Variants in IMPG1 observed in about 807,000 individuals in gnomAD.
IMPG1 encodes interphotoreceptor matrix proteoglycan 1, also known as interphotoreceptor matrix proteoglycan of 150 kDa.
IMPG1 carries 85 observed loss-of-function variants against 92.0 expected under a neutral mutation model. The observed-to-expected ratio is 0.92, with a 90% confidence interval of 0.78 to 1.11. The LOEUF is 1.11. Ranked by LOEUF, IMPG1 falls within the 50% of genes least tolerant of loss-of-function variation. IMPG1 has a pLI of 0.00. For missense variants in IMPG1, 1,022 were observed against 956.0 expected (o/e 1.07, Z -0.91); for synonymous variants, 367 against 334.1 (o/e 1.10, Z -1.08).
chr6:75,992,868 G>A (rs1394763102), intron 12 of IMPG1, among the ~76,000 whole-genome samples: 6 of 152,146 alleles, frequency 3.9e-5, no homozygotes, highest in Non-Finnish European at 7.3e-5. Flanking sequence ...CCCAAGCAAA[G>A]CTCCATGAGT....
intron 15 of IMPG1, chr6:75,928,555 A>T (rs1781603092): frequency 6.6e-6 from 1 of 152,188 alleles, no homozygotes; most frequent in African/African-American, 2.4e-5. Flanking sequence ...GATTGTTTAC[A>T]GTCAATTGCA....
At position 75,974,380 on chromosome 6, in the gene IMPG1, T is replaced by C. The variant is rs1407442097; in HGVS notation, c.1292-23286A>G. 2.0e-3 allele frequency among the ~76,000 whole-genome samples: 156 copies of C among 76,336 alleles called. 1 individual carries two copies. The highest frequency in any genetic ancestry group is 6.1e-3 in the African/African-American group (135 of 22,040). 50.1% of individuals were successfully genotyped at this position (76,336 alleles called of 152,430 possible). A position where few individuals can be genotyped will look rare whatever the true frequency, so the allele number is the denominator to read the frequency against. On this transcript the variant is annotated intron_variant, in intron 12 of 16. Transcript: ENST00000369950. ...CTTTCTTTCTTTCTTTCTTTCTTTC[T>C]TTCTTTCTTTCTTTTCTTTCTTTCC... is the stretch of plus-strand genomic sequence containing the variant.
intron 1 of IMPG1, among the ~76,000 whole-genome samples, chr6:76,065,859 C>G (rs1784300420): frequency 6.6e-6 from 1 of 152,034 alleles, no homozygotes; most frequent in African/African-American, 2.4e-5. Context: ...AGTGAAATCT[C>G]ATAGTATTAG....
chr6:76,018,931 T>C (rs1405994432), intron 6 of IMPG1, 73 bp from the exon 7 acceptor site: 3 of 1,345,766 alleles, frequency 2.2e-6, no homozygotes, highest in East Asian at 2.4e-5. Flanking sequence ...AGATAATATA[T>C]GTTGATACTG....
rs565918990 is a variant in IMPG1, at chr6:75,964,263, G to A, written c.1292-13169C>T. On this transcript the variant is annotated intron_variant, in intron 12 of 16. Coordinates refer to ENST00000369950, the MANE Select transcript of IMPG1 (RefSeq NM_001563.4). Reference sequence around the variant, plus strand: ...TTCTGGTTATGGGGGTTCTTTTGGAGATGATGAAAGATTTCTGGAATTAGA... The same window carrying A: ...TTCTGGTTATGGGGGTTCTTTTGGAAATGATGAAAGATTTCTGGAATTAGA... Among the ~76,000 whole-genome samples the A allele has an allele frequency of 3.3e-5, 5 of 152,278 alleles. No individual in the cohort carries two copies. In the East Asian group the frequency reaches 7.7e-4, roughly 24 times the overall value.
chr6:76,022,224 GA>G lies in IMPG1; in HGVS notation c.563-6del. 1 of 1,544,850 alleles carries G rather than the reference GA, an allele frequency of 6.5e-7. No individual in the cohort carries two copies. Among genetic ancestry groups the G allele is most frequent in the South Asian group, 1.1e-5 (1 of 89,372 alleles). On this transcript the variant is annotated splice_region_variant and splice_polypyrimidine_tract_variant and intron_variant, in intron 5 of 16. Coordinates refer to ENST00000369950, the MANE Select transcript of IMPG1 (RefSeq NM_001563.4). ...CAAGTGAGACGTTGGCAACATCTGT[GA>G]AAATTTTAAAAATTAAAGACACAAA...
intron 12 of IMPG1, among the ~76,000 whole-genome samples, chr6:75,971,575 C>T (rs1039463037): frequency 6.6e-6 from 1 of 152,200 alleles, no homozygotes; most frequent in African/African-American, 2.4e-5. Flanking sequence ...TTAATTTACA[C>T]ATCCATTGCA....
rs74634502 is a variant in IMPG1, at chr6:75,977,588, A to C, written c.1291+25330T>G. On this transcript the variant is annotated intron_variant, in intron 12 of 16. Coordinates refer to ENST00000369950, the MANE Select transcript of IMPG1 (RefSeq NM_001563.4). ...GGCAACAAGAGTGAAACTCTGCCTC[A>C]AAAAAAAAAAAAACAAAAAAAAACC... Among the ~76,000 whole-genome samples, 5 of 42,802 alleles carry C rather than the reference A, an allele frequency of 1.2e-4. No individual in the cohort carries two copies. In the South Asian group the frequency reaches 4.5e-3, roughly 38 times the overall value. 28.1% of individuals were successfully genotyped at this position (42,802 alleles called of 152,430 possible). A position where few individuals can be genotyped will look rare whatever the true frequency, so the allele number is the denominator to read the frequency against.
At chr6:75,943,322 G>A (rs143568897) in intron 14 of IMPG1, among the ~76,000 whole-genome samples, 28 of 152,208 alleles carry the variant, frequency 1.8e-4, no homozygotes, top group Non-Finnish European at 2.5e-4. Flanking sequence ...TGTTTGTGTC[G>A]TAGGGGCAGA....
At chr6:75,967,763 T>C (rs1782331568) in intron 12 of IMPG1, among the ~76,000 whole-genome samples, 1 of 152,216 alleles carries the variant, frequency 6.6e-6, no homozygotes, top group African/African-American at 2.4e-5. Context: ...TAGTGTCATG[T>C]TTATTGCAGC....
At chr6:76,033,982 T>C (rs1252577284) in intron 4 of IMPG1, among the ~76,000 whole-genome samples, 2 of 152,214 alleles carry the variant, frequency 1.3e-5, no homozygotes, top group East Asian at 3.8e-4. Flanking sequence ...ATGTAACTAA[T>C]AGTTTACCAT....
intron 6 of IMPG1, among the ~76,000 whole-genome samples, chr6:76,021,515 A>G (rs1783423978): frequency 6.6e-6 from 1 of 152,024 alleles, no homozygotes; most frequent in African/African-American, 2.4e-5. Flanking sequence ...TTCCACAATT[A>G]AATTCTGTAA....
At chr6:76,030,980 A>G (rs776809431) in intron 4 of IMPG1, among the ~76,000 whole-genome samples, 12 of 152,086 alleles carry the variant, frequency 7.9e-5, no homozygotes, top group Non-Finnish European at 1.6e-4. Flanking sequence ...CTGGGATTCA[A>G]GCTGTGGGTG....
At chr6:76,046,574 A>G (rs986509759) in intron 1 of IMPG1, among the ~76,000 whole-genome samples, 3 of 152,220 alleles carry the variant, frequency 2.0e-5, no homozygotes, top group Non-Finnish European at 2.9e-5. Flanking sequence ...TCACTCAACT[A>G]TTCAAAATGT....
intron 12 of IMPG1, among the ~76,000 whole-genome samples, chr6:76,001,803 C>T (rs772241777): frequency 6.6e-6 from 1 of 152,162 alleles, no homozygotes. Context: ...TGTTTTAGGC[C>T]ACTAACTTTA....
In IMPG1 at chr6:75,933,900, ACAT is replaced by A. The variant is rs376447353; in HGVS notation, c.2045-2752_2045-2750del. On this transcript the variant is annotated intron_variant, in intron 14 of 16. Coordinates refer to ENST00000369950, the MANE Select transcript of IMPG1 (RefSeq NM_001563.4). ...TCTCAAATCCATATGGATATTGCCGACATCATTTTCATCGGTGAGAAAACGGAA... is the reference window on the plus strand; with the variant it reads ...TCTCAAATCCATATGGATATTGCCGACATTTTCATCGGTGAGAAAACGGAA... 4.1e-3 allele frequency among the ~76,000 whole-genome samples: 627 copies of A among 152,346 alleles called. 3 individuals carry two copies. Among genetic ancestry groups the A allele is most frequent in the Non-Finnish European group, 7.6e-3 (518 of 68,028 alleles).
intron 12 of IMPG1, among the ~76,000 whole-genome samples, chr6:75,988,280 C>T (rs1582088355): frequency 6.6e-6 from 1 of 152,308 alleles, no homozygotes; most frequent in East Asian, 1.9e-4. Context: ...CTCTCCAGCA[C>T]CTGTTGTTTT....
At chr6:76,044,983 C>G (rs1783912177) in intron 1 of IMPG1, among the ~76,000 whole-genome samples, 1 of 152,188 alleles carries the variant, frequency 6.6e-6, no homozygotes, top group Admixed American at 6.5e-5. Flanking sequence ...TGAGCTCCCA[C>G]TTTTCCCTTT....
At chr6:76,008,762 C>T (rs576279360) in intron 8 of IMPG1, among the ~76,000 whole-genome samples, 1 of 152,230 alleles carries the variant, frequency 6.6e-6, no homozygotes, top group South Asian at 2.1e-4. Flanking sequence ...TTATGGTATA[C>T]GATCCAAGAA....
Sources: allele counts gnomAD v4.1 joint callset (sites outside exome capture counted in the v4.1 genomes callset), GRCh38; gene constraint gnomAD v4.1.1; transcripts MANE v1.5; gene names NCBI Gene and HGNC (gene_info 2026-07-23, HGNC 2026-07-21).